Variants in DMD observed in about 807,000 individuals in gnomAD.
DMD encodes the protein dystrophin, also known as mutant dystrophin.
A neutral mutation model predicts 330.1 loss-of-function variants in DMD; 63 were observed. That is an observed-to-expected ratio of 0.19 (90% confidence interval 0.16 to 0.24). The LOEUF (loss-of-function observed/expected upper bound fraction) is 0.24. DMD is among the 10% of genes least tolerant of loss of function. The probability of loss-of-function intolerance (pLI) is 1.00; values close to 1 mark genes in which losing one functional copy is unlikely to be tolerated. For synonymous variants in DMD, 1,223 were observed against 959.8 expected (o/e 1.27, Z -5.07); for missense variants, 3,344 against 2,684.1 (o/e 1.25, Z -5.43).
chrX:32,897,437 G>A (rs1020963647), intron 2 of DMD, among the ~76,000 whole-genome samples: 35 of 111,496 alleles, frequency 3.1e-4, no homozygotes, highest in Non-Finnish European at 9.4e-5. Flanking sequence ...TATGACATTA[G>A]GAGAGTCTTT....
Position 31,759,649 on chromosome X carries a change from TA to T in DMD, c.7542+14310del, listed in dbSNP as rs1481376749. On this transcript the variant is annotated intron_variant, in intron 51 of 78. Coordinates refer to ENST00000357033, the MANE Select transcript of DMD (RefSeq NM_004006.3). ...TTTAAAGCTCTCATGCAGATTTTAA[TA>T]ATTAATCAATATTCTAAATATAAAT... 5.4e-5 allele frequency among the ~76,000 whole-genome samples: 6 copies of T among 112,032 alleles called. No individual in the cohort carries two copies. In the East Asian group the frequency reaches 1.7e-3, roughly 31 times the overall value.
chrX:31,848,589 T>C lies in DMD; in HGVS notation c.7099-11770A>G, dbSNP rs187941795. On this transcript the variant is annotated intron_variant, in intron 48 of 78. Coordinates refer to ENST00000357033, the MANE Select transcript of DMD (RefSeq NM_004006.3). Reference sequence around the variant, plus strand: ...CAATGCAAGATTGTGTACCAGGTGTTAAGATCCTTATGATACGAGGAGAGT... The same window carrying C: ...CAATGCAAGATTGTGTACCAGGTGTCAAGATCCTTATGATACGAGGAGAGT... 3.0e-3 allele frequency among the ~76,000 whole-genome samples: 329 copies of C among 111,230 alleles called. 2 individuals carry two copies. Among genetic ancestry groups the C allele is most frequent in the African/African-American group, 9.8e-3 (302 of 30,695 alleles).
At chrX:32,502,836 T>C (rs2044194916) in intron 18 of DMD, among the ~76,000 whole-genome samples, 1 of 111,011 alleles carries the variant, frequency 9.0e-6, no homozygotes, top group Non-Finnish European at 1.9e-5. Context: ...GGAGGGCAAA[T>C]AACAGATACA....
At chrX:32,066,990 A>G (rs765393028) in intron 44 of DMD, among the ~76,000 whole-genome samples, 2 of 111,811 alleles carry the variant, frequency 1.8e-5, no homozygotes, top group South Asian at 3.7e-4. Flanking sequence ...TTAGTAATAC[A>G]GTTAAAAGCA....
chrX:32,751,357 C>T (rs1042969877), intron 7 of DMD, among the ~76,000 whole-genome samples: 7 of 110,906 alleles, frequency 6.3e-5, no homozygotes, highest in Non-Finnish European at 7.5e-5. Context: ...GTTGGGAGCC[C>T]GAACAAAAGT....
At chrX:32,821,900 A>G (rs1481052353) in intron 5 of DMD, among the ~76,000 whole-genome samples, 3 of 110,562 alleles carry the variant, frequency 2.7e-5, no homozygotes, top group African/African-American at 9.9e-5. Flanking sequence ...AACTCTGTAA[A>G]TATCCTGCAA....
chrX:31,882,906 T>C (rs946454615), intron 47 of DMD, among the ~76,000 whole-genome samples: 16 of 111,954 alleles, frequency 1.4e-4, no homozygotes, highest in African/African-American at 4.5e-4. Context: ...ATGACCACAC[T>C]GAAAAACTGT....
chrX:32,265,548 C>T (rs62591886), intron 43 of DMD, among the ~76,000 whole-genome samples: 12,711 of 111,314 alleles, frequency 0.11, 734 homozygotes, highest in Non-Finnish European at 0.16. Flanking sequence ...CTTGATCCAC[C>T]GTGTGCATGG....
intron 60 of DMD, among the ~76,000 whole-genome samples, chrX:31,433,081 T>C (rs1462113851): frequency 8.9e-6 from 1 of 111,879 alleles, no homozygotes; most frequent in Non-Finnish European, 1.9e-5. Context: ...CTAGTGCCTG[T>C]TGTTCCCAAC....
At chrX:32,119,907 T>C (rs201977370) in intron 44 of DMD, among the ~76,000 whole-genome samples, 1 of 112,149 alleles carries the variant, frequency 8.9e-6, no homozygotes, top group East Asian at 2.8e-4. Context: ...GGTCACCCTT[T>C]TCAGTGCACA....
chrX:32,892,672 C>T (rs774879634), intron 2 of DMD, among the ~76,000 whole-genome samples: 6 of 112,193 alleles, frequency 5.3e-5, no homozygotes, highest in Admixed American at 2.8e-4. Flanking sequence ...GCTGGGATTA[C>T]AGGCGTGAGC....
chrX:32,585,301 G>A (rs969825318), intron 13 of DMD, among the ~76,000 whole-genome samples: 3 of 112,211 alleles, frequency 2.7e-5, no homozygotes, highest in Non-Finnish European at 5.6e-5. Flanking sequence ...ATATACAACA[G>A]TGTAACAAAA....
At chrX:32,857,618 A>G (rs1013921880) in intron 2 of DMD, among the ~76,000 whole-genome samples, 2 of 112,237 alleles carry the variant, frequency 1.8e-5, no homozygotes, top group African/African-American at 6.5e-5. Context: ...GTTTTTATGA[A>G]AAGAAAAAAT....
At position 31,973,550 on chromosome X, in the gene DMD, C is replaced by A. The variant is rs6631448; in HGVS notation, c.6439-5036G>T. On this transcript the variant is annotated intron_variant, in intron 44 of 78. Coordinates refer to ENST00000357033, the MANE Select transcript of DMD (RefSeq NM_004006.3). ...GACCATCCTCCTCTTCTCCCCACTG[C>A]CTTCTCGGCTCCGTCTCCTGCCGCT... Among the ~76,000 whole-genome samples the A allele has an allele frequency of 1.4e-3, 158 of 110,795 alleles. 2 individuals are homozygous for A. In the East Asian group the frequency reaches 0.029, roughly 20 times the overall value.
intron 48 of DMD, among the ~76,000 whole-genome samples, chrX:31,865,951 C>T (rs1452463401): frequency 9.0e-6 from 1 of 111,189 alleles, no homozygotes; most frequent in Non-Finnish European, 1.9e-5. Flanking sequence ...GTTTCTCCTC[C>T]TCTGAAGACT....
chrX:32,690,653 CCA>C (rs1253795742), intron 9 of DMD, among the ~76,000 whole-genome samples: 4 of 103,017 alleles, frequency 3.9e-5, no homozygotes, highest in African/African-American at 1.7e-4. Flanking sequence ...GACATATAGA[CCA>C]ATAGAACAGA....
intron 54 of DMD, among the ~76,000 whole-genome samples, chrX:31,651,218 T>G (rs1314621741): frequency 9.0e-6 from 1 of 111,670 alleles, no homozygotes; most frequent in Non-Finnish European, 1.9e-5. Flanking sequence ...AGGGGCAAGA[T>G]AATGCATTCT....
chrX:31,510,760 T>C (rs374476957), intron 55 of DMD, among the ~76,000 whole-genome samples: 40 of 110,268 alleles, frequency 3.6e-4, no homozygotes, highest in African/African-American at 1.1e-3. Context: ...CCGCCCACCT[T>C]GGCCTCCCAA....
intron 44 of DMD, among the ~76,000 whole-genome samples, chrX:32,068,373 C>CTTTTTTTT (rs1569539146): frequency 8.3e-5 from 5 of 60,504 alleles, no homozygotes; most frequent in African/African-American, 3.1e-4. Context: ...CCTTGCTTGT[C>CTTTTTTTT]ATTTTTTTTT....
Sources: gnomAD v4.1 joint callset for allele counts (sites outside exome capture counted in the v4.1 genomes callset) on GRCh38, gnomAD v4.1.1 for gene constraint, MANE v1.5 for transcripts, NCBI Gene and HGNC (gene_info 2026-07-23, HGNC 2026-07-21) for gene names.